Variants in ADGRG6 observed in about 807,000 individuals in gnomAD.
ADGRG6 encodes adhesion G protein-coupled receptor G6, also known as G-protein coupled receptor 126.
ADGRG6 carries 84 observed loss-of-function variants against 142.4 expected under a neutral mutation model. That is an observed-to-expected ratio of 0.59 (90% CI 0.49 to 0.71). The LOEUF is 0.71. Ranked by LOEUF, ADGRG6 falls within the 30% of genes least tolerant of loss-of-function variation. ADGRG6 has a pLI of 0.00. For synonymous variants in ADGRG6, 521 were observed against 520.5 expected, an observed-to-expected ratio of 1.00 and a Z score of -0.01; for missense variants, 1,367 against 1,466.6, an observed-to-expected ratio of 0.93 and a Z score of 1.11.
At chr6:142,434,693 C>T (rs1190009247) in intron 22 of ADGRG6, among the ~76,000 whole-genome samples, 1 of 152,032 alleles carries the variant, frequency 6.6e-6, no homozygotes, top group Non-Finnish European at 1.5e-5. Context: ...TTCATAGTGG[C>T]ATTTTTCTGC....
At position 142,397,665 on chromosome 6, in the gene ADGRG6, G is replaced by C; in HGVS notation, c.1477G>C (p.Glu493Gln). The change falls in exon 10 of 25, where the codon GAA becomes CAA. Residue 493 changes from glutamate (E) to glutamine (Q), a missense_variant. By Grantham distance (29) the Glu-to-Gln change is conservative (BLOSUM62 2). Coordinates refer to ENST00000367609, the MANE Select transcript of ADGRG6 (RefSeq NM_198569.3). Reference protein sequence around the residue: ...VYNATNNTNLEGKIIQQKLLK... With the variant: ...VYNATNNTNLQGKIIQQKLLK... ...CAATGCTACCAACAATACTAATTTGGAAGGAAAAATCATTCAGCAGAAGCT... is the reference window on the plus strand; with the variant it reads ...CAATGCTACCAACAATACTAATTTGCAAGGAAAAATCATTCAGCAGAAGCT... The C allele has an allele frequency of 6.2e-7, 1 of 1,607,638 alleles. No individual in the cohort carries two copies. The highest frequency in any genetic ancestry group is 8.5e-7 in the Non-Finnish European group (1 of 1,175,634).
chr6:142,408,161 C>G lies in ADGRG6; in HGVS notation c.2280C>G (p.Pro760=). 6.3e-7 allele frequency: 1 copy of G among 1,580,272 alleles called. No individual in the cohort carries two copies. The highest frequency in any genetic ancestry group is 8.6e-7 in the Non-Finnish European group (1 of 1,161,194). The change falls in exon 16 of 25, where the codon CCC becomes CCG. Residue 760 remains proline, a synonymous_variant. Coordinates refer to ENST00000367609, the MANE Select transcript of ADGRG6 (RefSeq NM_198569.3). ...TTTTTCTTTAAAAGGATGTAGGACC[C>G]CAAAGAAAAACTTTAGTGAGTTATG... ...NKTGLFQDVG[P]QRKTLVSYVM... is the part of the protein sequence containing the mutation.
chr6:142,316,013 A>C (rs1048584866), intron 2 of ADGRG6, among the ~76,000 whole-genome samples: 1 of 152,058 alleles, frequency 6.6e-6, no homozygotes, highest in Non-Finnish European at 1.5e-5. Context: ...GGTTAAGACT[A>C]ATTATCTTGA....
At chr6:142,431,923 G>A (rs991235605) in intron 22 of ADGRG6, among the ~76,000 whole-genome samples, 4 of 151,860 alleles carry the variant, frequency 2.6e-5, no homozygotes, top group African/African-American at 7.3e-5. Context: ...ATTCCATCTC[G>A]AAACAAAAGA....
chr6:142,370,816 T>G, intron 4 of ADGRG6, 23 bp downstream of exon 4: 2 of 1,378,666 alleles, frequency 1.5e-6, no homozygotes, highest in South Asian at 1.3e-5. Context: ...CGTATTCCTT[T>G]TTTTTTTTTT....
In ADGRG6 at chr6:142,425,158, T is replaced by C. The variant is rs142837560; in HGVS notation, c.3319+5054T>C. Among the ~76,000 whole-genome samples the C allele has an allele frequency of 1.4e-3, 214 of 152,224 alleles. 5 individuals carry two copies. In the East Asian group the frequency reaches 0.036, roughly 26 times the overall value. ...TGTATTTCAATCTTTATAAACACAA[T>C]AGGAAGTCTTTGAAAGGTGGAGTGA... On this transcript the variant is annotated intron_variant, in intron 22 of 24. Transcript: ENST00000367609.
intron 18 of ADGRG6, among the ~76,000 whole-genome samples, chr6:142,413,973 G>A (rs1213253215): frequency 2.0e-5 from 3 of 150,566 alleles, no homozygotes; most frequent in Admixed American, 6.6e-5. Context: ...GATTTTATTG[G>A]CATTTTGATG....
At chr6:142,417,829 T>G (rs1776442632) in intron 21 of ADGRG6, among the ~76,000 whole-genome samples, 1 of 152,138 alleles carries the variant, frequency 6.6e-6, no homozygotes. Context: ...ATCATTGAGA[T>G]TAAGGGTTTT....
At chr6:142,396,083 C>T (rs896114416) in intron 9 of ADGRG6, among the ~76,000 whole-genome samples, 1 of 152,110 alleles carries the variant, frequency 6.6e-6, no homozygotes, top group African/African-American at 2.4e-5. Context: ...CTATTCCTGA[C>T]TTGTTGGGTT....
chr6:142,416,558 G>A (rs1388041253), intron 20 of ADGRG6, among the ~76,000 whole-genome samples: 6 of 152,146 alleles, frequency 3.9e-5, no homozygotes, highest in African/African-American at 1.4e-4. Context: ...GTCAGACATA[G>A]GTGGTTGTAT....
chr6:142,416,169 A>T, intron 20 of ADGRG6, 105 bp downstream of exon 20: 1 of 782,640 alleles, frequency 1.3e-6, no homozygotes, highest in Admixed American at 2.8e-5. Context: ...ATTAAGAGGA[A>T]CCTCAAAATT....
intron 22 of ADGRG6, among the ~76,000 whole-genome samples, chr6:142,425,866 CAAAG>C (rs1776914841): frequency 6.6e-6 from 1 of 152,134 alleles, no homozygotes; most frequent in Non-Finnish European, 1.5e-5. Flanking sequence ...TGGCGGTAGG[CAAAG>C]AGAGAGTTTG....
chr6:142,309,738 T>C, intron 2 of ADGRG6, 94 bp downstream of exon 2: 2 of 758,370 alleles, frequency 2.6e-6, no homozygotes, highest in Admixed American at 3.4e-5. Flanking sequence ...TTACTTTTAC[T>C]TACTGCCTTT....
At chr6:142,331,143 A>T (rs1025373393) in intron 2 of ADGRG6, among the ~76,000 whole-genome samples, 5 of 151,946 alleles carry the variant, frequency 3.3e-5, no homozygotes, top group East Asian at 1.9e-4. Context: ...GTTAAAAAAA[A>T]AAAAAACTAT....
chr6:142,380,328 C>T lies in ADGRG6; in HGVS notation c.1070-1623C>T, dbSNP rs576636349. On this transcript the variant is annotated intron_variant, in intron 4 of 24. Coordinates refer to ENST00000367609, the MANE Select transcript of ADGRG6 (RefSeq NM_198569.3). ...TTTCAGGTTAACTCTGGAGGGACCT[C>T]GGCCAAGAGGAGGAGTCCATTCAGA... Among the ~76,000 whole-genome samples, 188 of 152,156 alleles carry T rather than the reference C, an allele frequency of 1.2e-3. 5 individuals carry two copies. The South Asian group carries it at 0.036, about 29-fold the overall frequency.
At chr6:142,440,736 G>C (rs1369373113) in intron 24 of ADGRG6, among the ~76,000 whole-genome samples, 1 of 152,082 alleles carries the variant, frequency 6.6e-6, no homozygotes, top group African/African-American at 2.4e-5. Flanking sequence ...ATAAATCCTG[G>C]TTTACAGTCA....
At chr6:142,333,697 C>T (rs1779177596) in intron 2 of ADGRG6, among the ~76,000 whole-genome samples, 1 of 152,104 alleles carries the variant, frequency 6.6e-6, no homozygotes, top group African/African-American at 2.4e-5. Flanking sequence ...GGAAATATTA[C>T]TTAGGGTTCT....
intron 5 of ADGRG6, among the ~76,000 whole-genome samples, chr6:142,382,507 G>A (rs1032047350): frequency 6.6e-6 from 1 of 152,186 alleles, no homozygotes; most frequent in African/African-American, 2.4e-5. Context: ...GTGAACTAAT[G>A]TTAATGTAAC....
chr6:142,370,124 GT>G, intron 3 of ADGRG6, 45 bp from the exon 4 acceptor site: 1 of 1,524,558 alleles, frequency 6.6e-7, no homozygotes, highest in Non-Finnish European at 8.9e-7. Flanking sequence ...ATTAGTCTGT[GT>G]TCTGAAGTTA....
Sources: allele counts gnomAD v4.1 joint callset (sites outside exome capture counted in the v4.1 genomes callset), GRCh38; gene constraint gnomAD v4.1.1; transcripts MANE v1.5; gene names NCBI Gene and HGNC (gene_info 2026-07-23, HGNC 2026-07-21).